Variants in GABBR2 observed in about 807,000 individuals in gnomAD.
The protein encoded by GABBR2 is gamma-aminobutyric acid type B receptor subunit 2.
A neutral mutation model predicts 105.6 loss-of-function variants in GABBR2; 23 were observed. The ratio of observed to expected loss-of-function variants is 0.22; its 90% confidence interval spans 0.16 to 0.31. The LOEUF is 0.31. Ranked by LOEUF, GABBR2 falls within the 10% of genes least tolerant of loss-of-function variation. The pLI, the probability that GABBR2 is intolerant of heterozygous loss-of-function variation, is 1.00. For synonymous variants in GABBR2, 478 were observed against 499.7 expected, an observed-to-expected ratio of 0.96 and a Z score of 0.58; for missense variants, 734 against 1,245.5, an observed-to-expected ratio of 0.59 and a Z score of 6.18.
chr9:98,558,430 A>T (rs1215238190), intron 2 of GABBR2, among the ~76,000 whole-genome samples: 1 of 152,226 alleles, frequency 6.6e-6, no homozygotes, highest in African/African-American at 2.4e-5. Context: ...TTAGCATAGA[A>T]GGATAAAATA....
intron 2 of GABBR2, among the ~76,000 whole-genome samples, chr9:98,563,343 AC>A (rs1303638784): frequency 5.9e-5 from 9 of 152,184 alleles, no homozygotes; most frequent in African/African-American, 2.2e-4. Flanking sequence ...CACAGAGAGA[AC>A]AGTAACTATC....
intron 13 of GABBR2, among the ~76,000 whole-genome samples, chr9:98,319,118 C>T (rs1404365040): frequency 6.6e-6 from 1 of 152,150 alleles, no homozygotes; most frequent in African/African-American, 2.4e-5. Flanking sequence ...CTCTTGCCAG[C>T]TGTGTGACTT....
chr9:98,636,489 T>TC (rs1325225903), intron 1 of GABBR2, among the ~76,000 whole-genome samples: 9 of 112,140 alleles, frequency 8.0e-5, no homozygotes, highest in African/African-American at 3.2e-4. Context: ...TCCTTTCTTT[T>TC]TTTTTTTTTT....
chr9:98,412,807 C>T (rs1207197290), intron 7 of GABBR2, among the ~76,000 whole-genome samples: 4 of 152,214 alleles, frequency 2.6e-5, no homozygotes, highest in African/African-American at 9.7e-5. Context: ...CCGGAGAGAG[C>T]CCTGCGCTTC....
chr9:98,553,161 A>C (rs1310141691), intron 2 of GABBR2, among the ~76,000 whole-genome samples: 1 of 152,040 alleles, frequency 6.6e-6, no homozygotes, highest in Non-Finnish European at 1.5e-5. Context: ...TGGGATTATA[A>C]GTGTGAGCCA....
chr9:98,671,753 TG>T (rs1830410072), intron 1 of GABBR2, among the ~76,000 whole-genome samples: 1 of 152,186 alleles, frequency 6.6e-6, no homozygotes, highest in South Asian at 2.1e-4. Context: ...GGCTTTTAAA[TG>T]GGGGCCCAAT....
intron 1 of GABBR2, among the ~76,000 whole-genome samples, chr9:98,608,750 T>G (rs2131811620): frequency 1.3e-5 from 2 of 152,364 alleles, no homozygotes; most frequent in South Asian, 4.1e-4. Flanking sequence ...TCTCATTTAG[T>G]GCACTCTTTA....
At chr9:98,600,328 G>A (rs895557874) in intron 1 of GABBR2, among the ~76,000 whole-genome samples, 8 of 152,044 alleles carry the variant, frequency 5.3e-5, no homozygotes, top group Non-Finnish European at 8.8e-5. Context: ...TGACCTCCCC[G>A]CTCCAATAGC....
intron 13 of GABBR2, among the ~76,000 whole-genome samples, chr9:98,344,206 A>C (rs1295679419): frequency 6.6e-6 from 1 of 151,972 alleles, no homozygotes; most frequent in East Asian, 1.9e-4. Context: ...ATTGCCATCC[A>C]TAAGCTGCCC....
At chr9:98,324,716 G>A (rs543355873) in intron 13 of GABBR2, among the ~76,000 whole-genome samples, 1 of 152,298 alleles carries the variant, frequency 6.6e-6, no homozygotes, top group East Asian at 1.9e-4. Context: ...GTAGCAGCAG[G>A]CCACCAGAGA....
intron 6 of GABBR2, among the ~76,000 whole-genome samples, chr9:98,463,645 G>A (rs527730786): frequency 6.1e-5 from 9 of 147,398 alleles, no homozygotes; most frequent in African/African-American, 1.3e-4. Flanking sequence ...CTCGCTCTCC[G>A]TCTCCCTCTT....
At chr9:98,525,951 T>TC (rs1827948133) in intron 3 of GABBR2, among the ~76,000 whole-genome samples, 1 of 152,210 alleles carries the variant, frequency 6.6e-6, no homozygotes, top group Non-Finnish European at 1.5e-5. Flanking sequence ...TGAAATGTCA[T>TC]TATAGGCAAA....
At chr9:98,395,126 G>A (rs890425440) in intron 8 of GABBR2, among the ~76,000 whole-genome samples, 3 of 152,192 alleles carry the variant, frequency 2.0e-5, no homozygotes, top group Non-Finnish European at 4.4e-5. Flanking sequence ...CAGAGTGGTG[G>A]CAGAAGAAAT....
At chr9:98,366,399 A>G (rs1052085157) in intron 12 of GABBR2, among the ~76,000 whole-genome samples, 5 of 152,172 alleles carry the variant, frequency 3.3e-5, no homozygotes, top group Non-Finnish European at 2.9e-5. Flanking sequence ...CACCTTTACC[A>G]TACTCATTTA....
chr9:98,607,350 A>G, intron 1 of GABBR2: 1 of 729,798 alleles, frequency 1.4e-6, no homozygotes, highest in Non-Finnish European at 2.5e-6. Context: ...GACTTAAACC[A>G]TTGAATATTG....
intron 12 of GABBR2, among the ~76,000 whole-genome samples, chr9:98,369,413 GGGC>G (rs1180496726): frequency 2.6e-5 from 4 of 152,190 alleles, no homozygotes; most frequent in Admixed American, 6.5e-5. Flanking sequence ...GGTGGGTGGG[GGGC>G]CTGAGGAGTG....
At chr9:98,658,428 T>A (rs1270074263) in intron 1 of GABBR2, among the ~76,000 whole-genome samples, 1 of 149,274 alleles carries the variant, frequency 6.7e-6, no homozygotes, top group Non-Finnish European at 1.5e-5. Flanking sequence ...TGAATGAATG[T>A]ATGCTGGTGT....
At chr9:98,390,902 C>G (rs975831395) in intron 9 of GABBR2, among the ~76,000 whole-genome samples, 1 of 152,148 alleles carries the variant, frequency 6.6e-6, no homozygotes, top group Non-Finnish European at 1.5e-5. Context: ...CCTTCTTACT[C>G]CTTCTTCTGT....
chr9:98,700,729 G>A (rs1830819153), intron 1 of GABBR2, among the ~76,000 whole-genome samples: 1 of 152,160 alleles, frequency 6.6e-6, no homozygotes, highest in Non-Finnish European at 1.5e-5. Context: ...GCTGGCCATT[G>A]ACTATTTCTG....
Sources: allele counts gnomAD v4.1 joint callset (sites outside exome capture counted in the v4.1 genomes callset), GRCh38; gene constraint gnomAD v4.1.1; transcripts MANE v1.5; gene names NCBI Gene and HGNC (gene_info 2026-07-23, HGNC 2026-07-21).